EYA4: variants seen among roughly 807,000 people sequenced by gnomAD.
EYA4 encodes EYA transcriptional coactivator and phosphatase 4, also known as protein phosphatase EYA4.
A neutral mutation model predicts 87.9 loss-of-function variants in EYA4; 31 were observed. The ratio of observed to expected loss-of-function variants is 0.35; its 90% CI spans 0.27 to 0.48. The LOEUF is 0.48. Among genes scored for constraint, EYA4 ranks in the 20% least tolerant of loss-of-function variants. The pLI, the probability that EYA4 is intolerant of heterozygous loss-of-function variation, is 0.99. For synonymous variants in EYA4, 263 were observed against 270.6 expected, an observed-to-expected ratio of 0.97 and a Z score of 0.28; for missense variants, 678 against 761.4, an observed-to-expected ratio of 0.89 and a Z score of 1.29.
At chr6:133,463,799 G>T (rs1466850194) in intron 9 of EYA4, among the ~76,000 whole-genome samples, 1 of 152,074 alleles carries the variant, frequency 6.6e-6, no homozygotes, top group African/African-American at 2.4e-5. Context: ...GAACCAACTG[G>T]TATGACATTT....
intron 13 of EYA4, among the ~76,000 whole-genome samples, chr6:133,499,513 G>GT (rs3836967): frequency 1.3e-5 from 2 of 152,142 alleles, no homozygotes; most frequent in East Asian, 3.9e-4. Context: ...GCCTCTAGTG[G>GT]TAAGTTGTGT....
At chr6:133,497,686 T>A (rs1429187686) in intron 13 of EYA4, among the ~76,000 whole-genome samples, 1 of 152,220 alleles carries the variant, frequency 6.6e-6, no homozygotes, top group Non-Finnish European at 1.5e-5. Flanking sequence ...TCATTTTACC[T>A]GATAACTTGC....
intron 2 of EYA4, among the ~76,000 whole-genome samples, chr6:133,302,511 C>T (rs1177182037): frequency 1.3e-5 from 2 of 152,168 alleles, no homozygotes; most frequent in Admixed American, 6.5e-5. Context: ...AGCTTTGATA[C>T]TCTAGAAACA....
intron 13 of EYA4, among the ~76,000 whole-genome samples, chr6:133,490,836 C>A (rs1438877250): frequency 1.3e-5 from 2 of 152,154 alleles, no homozygotes; most frequent in African/African-American, 4.8e-5. Context: ...TGGACTTAAT[C>A]TGCACAGGCT....
rs970732881 is a variant in EYA4, at chr6:133,448,119, A to G, written c.217A>G (p.Met73Val). ...VTTNGTGGENMTVLNTADWLL... is the reference protein window; with the variant it reads ...VTTNGTGGENVTVLNTADWLL... ...ACTGTTCCTGTTCTCAGGGGAAAACATGACTGTTTTAAACACAGCAGACTG... is the reference window on the plus strand; with the variant it reads ...ACTGTTCCTGTTCTCAGGGGAAAACGTGACTGTTTTAAACACAGCAGACTG... Residue 73 changes from methionine to valine, a missense_variant, in exon 5 of 20, where the codon ATG becomes GTG. By Grantham distance (21) the Met-to-Val change is conservative. Transcript: ENST00000355286. 6.2e-6 allele frequency: 10 copies of G among 1,613,232 alleles called. No homozygotes were observed. The African/African-American group carries it at 6.7e-5, about 11-fold the overall frequency.
intron 2 of EYA4, among the ~76,000 whole-genome samples, chr6:133,296,541 G>A (rs1778959697): frequency 6.6e-6 from 1 of 152,102 alleles, no homozygotes; most frequent in Non-Finnish European, 1.5e-5. Context: ...TTCAGAGGTA[G>A]AGCCAACCAG....
chr6:133,364,285 T>G (rs1480697143), intron 2 of EYA4, among the ~76,000 whole-genome samples: 1 of 152,194 alleles, frequency 6.6e-6, no homozygotes, highest in East Asian at 1.9e-4. Context: ...GGCCACAAGC[T>G]GTGGAAATGG....
intron 2 of EYA4, among the ~76,000 whole-genome samples, chr6:133,351,347 C>T (rs908918859): frequency 1.3e-5 from 2 of 152,156 alleles, no homozygotes; most frequent in Admixed American, 6.5e-5. Context: ...TATTAATTGG[C>T]CCTTTCTTTT....
chr6:133,389,431 G>T (rs190199335), intron 3 of EYA4, among the ~76,000 whole-genome samples: 3 of 152,294 alleles, frequency 2.0e-5, no homozygotes, highest in Non-Finnish European at 4.4e-5. Context: ...GCTCTACAAG[G>T]TTAGAGTTCA....
intron 3 of EYA4, among the ~76,000 whole-genome samples, chr6:133,441,477 G>T (rs200135042): frequency 2.6e-5 from 4 of 152,102 alleles, no homozygotes; most frequent in African/African-American, 9.7e-5. Context: ...AGAAGGGTGC[G>T]CACTTACAGA....
Position 133,326,170 on chromosome 6 carries a change from G to A in EYA4, c.33+51357G>A, listed in dbSNP as rs1781484363. ...TTCACCCTTCTGGCCAGAGCAGCCT[G>A]GTTCCAGAGCCAGCCTTGACCAGAG... On this transcript the variant is annotated intron_variant, in intron 2 of 19. Transcript: ENST00000355286. Among the ~76,000 whole-genome samples the A allele has an allele frequency of 2.6e-5, 4 of 152,208 alleles. No individual in the cohort carries two copies. In the South Asian group the frequency reaches 8.3e-4, roughly 32 times the overall value.
chr6:133,328,917 C>T (rs546277866), intron 2 of EYA4, among the ~76,000 whole-genome samples: 2 of 152,160 alleles, frequency 1.3e-5, no homozygotes, highest in East Asian at 1.9e-4. Flanking sequence ...TTAAACAAAT[C>T]GAAATTAAAT....
rs1248449197 is a variant in EYA4, at chr6:133,371,087, GAT to G, written c.34-11304_34-11303del. Among the ~76,000 whole-genome samples, 29 of 152,270 alleles carry G rather than the reference GAT, an allele frequency of 1.9e-4. 1 individual carries two copies. The highest frequency in any genetic ancestry group is 1.8e-3 in the Admixed American group (28 of 15,288). ...CTGTTTTGCTGCATCAGAGGGTTGA[GAT>G]GTGGGAGAATTGTCAAAATAATAAC... On this transcript the variant is annotated intron_variant, in intron 2 of 19. Coordinates refer to ENST00000355286, the MANE Select transcript of EYA4 (RefSeq NM_004100.5).
chr6:133,347,946 A>T lies in EYA4; in HGVS notation c.34-34446A>T, dbSNP rs139718281. Among the ~76,000 whole-genome samples the T allele has an allele frequency of 5.6e-3, 858 of 152,318 alleles. 6 individuals carry two copies. The highest frequency in any genetic ancestry group is 0.01 in the Non-Finnish European group (683 of 68,036). On this transcript the variant is annotated intron_variant, in intron 2 of 19. Transcript: ENST00000355286. ...CATTAGAGAATTATTTTTCCGTATG[A>T]TATGGTGGTGTTTAAATGTTATAAA... is the stretch of plus-strand genomic sequence containing the variant.
In EYA4 at chr6:133,333,978, G is replaced by A. The variant is rs1056252031; in HGVS notation, c.34-48414G>A. Among the ~76,000 whole-genome samples, 3 of 152,126 alleles carry A rather than the reference G, an allele frequency of 2.0e-5. No homozygotes were observed. The East Asian group carries it at 5.8e-4, about 29-fold the overall frequency. On this transcript the variant is annotated intron_variant, in intron 2 of 19. Transcript: ENST00000355286. ...ACTAAGGAAATCTTTCTTTTAATTG[G>A]TAAAATTCCACTGATTGGTAAAATT...
chr6:133,301,842 G>A (rs1459653427), intron 2 of EYA4, among the ~76,000 whole-genome samples: 3 of 152,186 alleles, frequency 2.0e-5, no homozygotes, highest in Non-Finnish European at 4.4e-5. Context: ...AGGAGGAAGC[G>A]CTGGGCTTCA....
At chr6:133,337,091 C>T (rs1473559838) in intron 2 of EYA4, among the ~76,000 whole-genome samples, 5 of 152,294 alleles carry the variant, frequency 3.3e-5, no homozygotes, top group African/African-American at 1.2e-4. Flanking sequence ...CTGACATCGG[C>T]AGCGTAAATG....
chr6:133,441,396 A>G (rs975122611), intron 3 of EYA4, among the ~76,000 whole-genome samples: 13 of 152,344 alleles, frequency 8.5e-5, no homozygotes, highest in South Asian at 6.2e-4. Flanking sequence ...TAAAGCTTCA[A>G]TGCTGCAAAA....
intron 3 of EYA4, among the ~76,000 whole-genome samples, chr6:133,397,457 A>G (rs1269132683): frequency 6.6e-6 from 1 of 152,230 alleles, no homozygotes; most frequent in Non-Finnish European, 1.5e-5. Context: ...ACAGATTTTT[A>G]GAAAATTGAA....
Sources: gnomAD v4.1 joint callset for allele counts (sites outside exome capture counted in the v4.1 genomes callset) on GRCh38, gnomAD v4.1.1 for gene constraint, MANE v1.5 for transcripts, NCBI Gene and HGNC (gene_info 2026-07-23, HGNC 2026-07-21) for gene names.